Variants in RYR2 observed in about 807,000 individuals in gnomAD.
RYR2 encodes the protein ryanodine receptor 2.
A neutral mutation model predicts 601.1 loss-of-function variants in RYR2; 227 were observed. The observed-to-expected ratio is 0.38, with a 90% CI of 0.34 to 0.42. RYR2 has a LOEUF of 0.42. RYR2 is among the 10% of genes least tolerant of loss of function. The pLI is 1.00. For missense variants in RYR2, 4,646 were observed against 6,156.5 expected (o/e 0.75, Z 8.21); for synonymous variants, 2,223 against 2,175.1 (o/e 1.02, Z -0.61).
intron 40 of RYR2, among the ~76,000 whole-genome samples, chr1:237,626,660 C>A (rs957166617): frequency 8.6e-6 from 1 of 116,348 alleles, no homozygotes; most frequent in Admixed American, 1.3e-4. Context: ...GGTGCATTTT[C>A]GGCTTACTGC....
At chr1:237,264,497 A>G (rs1688843479) in intron 1 of RYR2, among the ~76,000 whole-genome samples, 1 of 152,160 alleles carries the variant, frequency 6.6e-6, no homozygotes, top group Admixed American at 6.5e-5. Context: ...TTGAACTGCA[A>G]TGTCCAAAGT....
chr1:237,453,054 T>C (rs972278964), intron 14 of RYR2, among the ~76,000 whole-genome samples: 3 of 152,108 alleles, frequency 2.0e-5, no homozygotes, highest in Non-Finnish European at 2.9e-5. Context: ...TATTCACTTA[T>C]TAACAGTTGA....
At chr1:237,334,440 A>ATATAT (rs1697055179) in intron 3 of RYR2, among the ~76,000 whole-genome samples, 2 of 146,050 alleles carry the variant, frequency 1.4e-5, no homozygotes, top group African/African-American at 5.0e-5. Flanking sequence ...GTTTAATTAA[A>ATATAT]ATATATATAT....
intron 10 of RYR2, among the ~76,000 whole-genome samples, chr1:237,405,618 A>G (rs556160350): frequency 6.6e-6 from 1 of 152,276 alleles, no homozygotes; most frequent in African/African-American, 2.4e-5. Context: ...TTGGTTATGT[A>G]TACCAGTCTA....
rs1028022704 is a variant in RYR2, at chr1:237,123,671, T to A, written c.48+81102T>A. 1.5e-3 allele frequency among the ~76,000 whole-genome samples: 208 copies of A among 140,888 alleles called. 1 individual carries two copies. The highest frequency in any genetic ancestry group is 5.3e-3 in the African/African-American group (201 of 37,702). The allele number at this position is 140,888 out of a possible 152,430, so 92.4% of individuals were successfully genotyped here. ...CACTATTTTTTTTTTTTTTTTTTTTTTTTTTTTGAGACGGAGTCTCGCTCT... is the reference window on the plus strand; with the variant it reads ...CACTATTTTTTTTTTTTTTTTTTTTATTTTTTTGAGACGGAGTCTCGCTCT... On this transcript the variant is annotated intron_variant, in intron 1 of 104. Transcript: ENST00000366574.
intron 12 of RYR2, among the ~76,000 whole-genome samples, chr1:237,435,668 A>G (rs974081077): frequency 6.6e-6 from 1 of 152,238 alleles, no homozygotes. Flanking sequence ...TGATTAACAT[A>G]TCATAATTTG....
chr1:237,411,261 G>A (rs1704424543), intron 10 of RYR2, among the ~76,000 whole-genome samples: 1 of 152,152 alleles, frequency 6.6e-6, no homozygotes, highest in Non-Finnish European at 1.5e-5. Flanking sequence ...CATAGAAACA[G>A]TATAAAATAA....
chr1:237,055,742 T>A (rs746871762), intron 1 of RYR2, among the ~76,000 whole-genome samples: 13 of 152,182 alleles, frequency 8.5e-5, no homozygotes, highest in Non-Finnish European at 1.6e-4. Flanking sequence ...GACATCCTAA[T>A]CCCCAGGACC....
chr1:237,180,678 A>G lies in RYR2; in HGVS notation c.49-89819A>G, dbSNP rs12070619. Among the ~76,000 whole-genome samples, 13 of 125,656 alleles carry G rather than the reference A, an allele frequency of 1.0e-4. No individual in the cohort carries two copies. The highest frequency in any genetic ancestry group is 1.9e-4 in the Non-Finnish European group (11 of 57,804). 82.4% of individuals were successfully genotyped at this position (125,656 alleles called of 152,430 possible). On this transcript the variant is annotated intron_variant, in intron 1 of 104. Transcript: ENST00000366574. The surrounding 1 kb of genome is among the most constrained non-coding windows in gnomAD (Gnocchi z 5.3). ...TGTATATATGTATACATGTGTATAT[A>G]TGTGTATATATGTATATATAAGTAT...
intron 41 of RYR2, among the ~76,000 whole-genome samples, chr1:237,630,723 T>C (rs894895804): frequency 6.6e-6 from 1 of 152,168 alleles, no homozygotes; most frequent in Non-Finnish European, 1.5e-5. Flanking sequence ...TACTTTCTCC[T>C]GAACATTATG....
chr1:237,707,264 T>G lies in RYR2; in HGVS notation c.9896T>G (p.Leu3299Arg). 6.7e-7 allele frequency: 1 copy of G among 1,503,322 alleles called. No homozygotes were observed. The highest frequency in any genetic ancestry group is 2.3e-5 in the East Asian group (1 of 42,854). 93.1% of individuals were successfully genotyped at this position (1,503,322 alleles called of 1,614,324 possible). ...GIDEGAWMKR[L>R]AVFSQPIINK... is the part of the protein sequence containing the mutation. ...GATGAGGGAGCCTGGATGAAGAGGC[T>G]AGCAGGTAAGAACTGGAAGAAGACA... The change falls in exon 68 of 105, where the codon CTA becomes CGA. Residue 3299 changes from leucine (L) to arginine (R), a missense_variant. By Grantham distance (102) the Leu-to-Arg change is moderately radical. This residue lies in a region of RYR2 where 1,497 missense variants were observed against 1,842.6 expected (regional missense o/e 0.81). Coordinates refer to ENST00000366574, the MANE Select transcript of RYR2 (RefSeq NM_001035.3).
Position 237,256,247 on chromosome 1 carries a change from T to C in RYR2, c.49-14250T>C, listed in dbSNP as rs1244473304. On this transcript the variant is annotated intron_variant, in intron 1 of 104. Transcript: ENST00000366574. ...CGCCGTGTAAGATGTGCCTTTCGCC[T>C]TCTGCCATGATTGGGAGGCCTCCCT... 2.0e-5 allele frequency among the ~76,000 whole-genome samples: 3 copies of C among 152,198 alleles called. No individual in the cohort carries two copies. In the East Asian group the frequency reaches 5.8e-4, roughly 29 times the overall value.
intron 2 of RYR2, among the ~76,000 whole-genome samples, chr1:237,285,318 G>GGTATATCA (rs1691437378): frequency 6.6e-6 from 1 of 152,034 alleles, no homozygotes; most frequent in Non-Finnish European, 1.5e-5. Flanking sequence ...CTGTTTATAT[G>GGTATATCA]GTATATCACA....
chr1:237,705,297 T>C lies in RYR2; in HGVS notation c.9534T>C (p.His3178=). ...TTTTGGAAACTCATCTGGACAAACA[T>C]AATATTTACTCCATCTACAATACCA... ...VAFLETHLDK[H]NIYSIYNTKS... is the part of the protein sequence containing the mutation. Residue 3178 remains histidine, a synonymous_variant, in exon 67 of 105, where the codon CAT becomes CAC. Transcript: ENST00000366574. 1 of 1,604,396 alleles carries C rather than the reference T, an allele frequency of 6.2e-7. No homozygotes were observed. The highest frequency in any genetic ancestry group is 1.1e-5 in the South Asian group (1 of 89,312).
chr1:237,427,854 A>G (rs1706347025), intron 12 of RYR2, among the ~76,000 whole-genome samples: 1 of 151,968 alleles, frequency 6.6e-6, no homozygotes, highest in Non-Finnish European at 1.5e-5. Context: ...ATTCAGGCAA[A>G]CTAAAGCATT....
chr1:237,362,215 G>C (rs1324018877), intron 4 of RYR2, among the ~76,000 whole-genome samples: 6 of 152,146 alleles, frequency 3.9e-5, no homozygotes, highest in Non-Finnish European at 8.8e-5. Flanking sequence ...CCACCTTTGT[G>C]TTTCTATGCA....
chr1:237,222,270 G>T (rs1360898251), intron 1 of RYR2, among the ~76,000 whole-genome samples: 1 of 152,024 alleles, frequency 6.6e-6, no homozygotes, highest in Admixed American at 6.5e-5. Context: ...AAAATTAGCT[G>T]GGCGTGGTGG....
chr1:237,231,755 A>G (rs960573356), intron 1 of RYR2, among the ~76,000 whole-genome samples: 1 of 152,148 alleles, frequency 6.6e-6, no homozygotes, highest in African/African-American at 2.4e-5. Context: ...GCTTAAGTTT[A>G]TAACACTGTG....
chr1:237,372,593 A>T (rs1462383073), intron 6 of RYR2, among the ~76,000 whole-genome samples: 2 of 152,244 alleles, frequency 1.3e-5, no homozygotes, highest in Admixed American at 1.3e-4. Context: ...TGTATAGAGC[A>T]ATCACATATT....
Sources: allele counts gnomAD v4.1 joint callset (sites outside exome capture counted in the v4.1 genomes callset), GRCh38; gene constraint gnomAD v4.1.1; regional missense constraint gnomAD v4.1.1; non-coding constraint Gnocchi (gnomAD v3.1); transcripts MANE v1.5; gene names NCBI Gene and HGNC (gene_info 2026-07-23, HGNC 2026-07-21).